The following PYGM variants were observed in gnomAD, a reference collection of about 807,000 sequenced individuals.
PYGM encodes the protein glycogen phosphorylase, muscle form.
PYGM carries 81 observed loss-of-function variants against 99.3 expected under a neutral mutation model. That is an observed-to-expected ratio of 0.82 (90% CI 0.68 to 0.98). The LOEUF (loss-of-function observed/expected upper bound fraction) is 0.98, where lower values mean the gene tolerates loss of function less well. PYGM is among the 50% of genes least tolerant of loss of function. PYGM has a pLI of 0.00. For synonymous variants in PYGM, 436 were observed against 451.5 expected, an observed-to-expected ratio of 0.97 and a Z score of 0.44; for missense variants, 1,030 against 1,158.1, an observed-to-expected ratio of 0.89 and a Z score of 1.61.
rs2058388996 is a variant in PYGM, at chr11:64,755,549, C to T, written c.670G>A (p.Ala224Thr). 1 of 1,613,840 alleles carries T rather than the reference C, an allele frequency of 6.2e-7. No homozygotes were observed. The highest frequency in any genetic ancestry group is 1.1e-5 in the South Asian group (1 of 91,078). Residue 224 changes from alanine to threonine, a missense_variant, in exon 6 of 20, where the codon GCC (alanine) becomes ACC (threonine). Transcript: ENST00000164139. This position sits in a 1 kb window ranked among gnomAD's most constrained non-coding sequence, Gnocchi z 4.1. ...AKWVDTQVVL[A>T]MPYDTPVPGY... Reference sequence around the variant, plus strand: ...GGCACGGGCGTATCGTAGGGCATGGCCAGTACCACCTGCGGGGGGCAATCC... The same window carrying T: ...GGCACGGGCGTATCGTAGGGCATGGTCAGTACCACCTGCGGGGGGCAATCC...
chr11:64,750,630 A>G, intron 16 of PYGM, 47 bp from the exon 17 acceptor site: 1 of 1,581,622 alleles, frequency 6.3e-7, no homozygotes, highest in South Asian at 1.1e-5. Context: ...GAAGACCCTC[A>G]CACCAGCTGG....
At position 64,754,334 on chromosome 11, in the gene PYGM, C is replaced by T. The variant is rs767039732; in HGVS notation, c.1011G>A (p.Gln337=). 17 of 1,612,566 alleles carry T rather than the reference C, an allele frequency of 1.1e-5. No individual in the cohort carries two copies. In the East Asian group the frequency reaches 3.6e-4, roughly 34 times the overall value. The change falls in exon 9 of 20, where the codon CAG becomes CAA. Residue 337 remains glutamine (Q), a synonymous_variant. Transcript: ENST00000164139. This position sits in a 1 kb window ranked among gnomAD's most constrained non-coding sequence, Gnocchi z 5.5. ...FDAFPDKVAI[Q]LNDTHPSLAI... ...CCAGGGAGGGGTGGGTGTCATTGAG[C>T]TGGATGGCCACCTGGGGTAGGGGGA...
intron 15 of PYGM, 33 bp downstream of exon 15, chr11:64,751,564 A>G (rs780142538): frequency 1.2e-6 from 2 of 1,614,026 alleles, no homozygotes; most frequent in South Asian, 1.1e-5. Flanking sequence ...ATATCAAAGG[A>G]CGGGAGCCCA....
At chr11:64,756,644 G>T (rs1341020476) in intron 5 of PYGM, among the ~76,000 whole-genome samples, 2 of 152,040 alleles carry the variant, frequency 1.3e-5, no homozygotes, top group African/African-American at 4.8e-5. Flanking sequence ...GTAGAGACTG[G>T]GTTTCACCAT....
chr11:64,760,683 C>T (rs2058429180), upstream of PYGM, among the ~76,000 whole-genome samples: 1 of 152,260 alleles, frequency 6.6e-6, no homozygotes, highest in Non-Finnish European at 1.5e-5. Flanking sequence ...GCATTCCCCA[C>T]TCCATCATCA....
chr11:64,751,628 A>C lies in PYGM; in HGVS notation c.1796T>G (p.Phe599Cys). 1.2e-6 allele frequency: 2 copies of C among 1,613,988 alleles called. No homozygotes were observed. Among genetic ancestry groups the C allele is most frequent in the South Asian group, 1.1e-5 (1 of 91,084 alleles). ...TCCAATCATCACAGTCCGAGGCACA[A>C]AAAACTTATTGGGCTCCCTCTTGAT... ...NRIKREPNKF[F>C]VPRTVMIGGK... The change falls in exon 15 of 20, where the codon TTT becomes TGT. Residue 599 changes from phenylalanine (F) to cysteine (C), a missense_variant. Physicochemically the swap from Phe to Cys is radical, Grantham distance 205 (BLOSUM62 -2). Coordinates refer to ENST00000164139, the MANE Select transcript of PYGM (RefSeq NM_005609.4).
intron 17 of PYGM, 95 bp downstream of exon 17, chr11:64,750,281 T>C: frequency 7.2e-7 from 1 of 1,394,714 alleles, no homozygotes; most frequent in African/African-American, 1.4e-5. Flanking sequence ...TTGCTGGGCC[T>C]GGACCAGTCT....
upstream of PYGM, among the ~76,000 whole-genome samples, chr11:64,760,496 C>G (rs1329051270): frequency 6.6e-6 from 1 of 152,244 alleles, no homozygotes; most frequent in Non-Finnish European, 1.5e-5. Flanking sequence ...ACTCCACCCC[C>G]ACCGAAGCTG....
At chr11:64,760,245 G>A (rs2058426041), upstream of PYGM, 1 of 311,506 alleles carries the variant, frequency 3.2e-6, no homozygotes, top group African/African-American at 2.1e-5. Flanking sequence ...ACAAGAAGGA[G>A]CAGGCAGAGT....
upstream of PYGM, chr11:64,760,053 G>A (rs774628362): frequency 1.1e-4 from 131 of 1,215,178 alleles, no homozygotes; most frequent in Non-Finnish European, 1.4e-4. Context: ...GGAGGGTCTT[G>A]GCCTGGCAGC....
intron 5 of PYGM, among the ~76,000 whole-genome samples, chr11:64,757,366 G>A (rs2058400559): frequency 6.6e-6 from 1 of 152,158 alleles, no homozygotes; most frequent in African/African-American, 2.4e-5. Context: ...ATTTGGTTTG[G>A]TTTTAGGATC....
Position 64,753,933 on chromosome 11 carries a change from C to G in PYGM, c.1185G>C (p.Thr395=), listed in dbSNP as rs1347426590. The G allele has an allele frequency of 6.3e-7, 1 of 1,598,130 alleles. No individual in the cohort carries two copies. Among genetic ancestry groups the G allele is most frequent in the Non-Finnish European group, 8.5e-7 (1 of 1,172,028 alleles). The change falls in exon 10 of 20, where the codon ACG becomes ACC. Residue 395 remains threonine (T), a synonymous_variant. Coordinates refer to ENST00000164139, the MANE Select transcript of PYGM (RefSeq NM_005609.4). ...TGATCTGGAGGTGCCGCGGCAGCAGCGTCTCCAAGAGGTGCACCGGCCAGC... is the reference window on the plus strand; with the variant it reads ...TGATCTGGAGGTGCCGCGGCAGCAGGGTCTCCAAGAGGTGCACCGGCCAGC... ...LERWPVHLLE[T]LLPRHLQIIY...
rs1191611731 is a variant in PYGM at position 64,747,385 on chromosome 11, C to T, written c.2178-27G>A. 4 of 1,613,850 alleles carry T rather than the reference C, an allele frequency of 2.5e-6. No individual in the cohort carries two copies. In the Admixed American group the frequency reaches 5.0e-5, roughly 20 times the overall value. ...TGCCAGGACAGAGCTGTGGTCAGCT[C>T]CCCGGAAAGGGGTTCCTGGCTCCTC... is the stretch of plus-strand genomic sequence containing the variant. On this transcript the variant is annotated intron_variant, in intron 17 of 19. Coordinates refer to ENST00000164139, the MANE Select transcript of PYGM (RefSeq NM_005609.4).
At chr11:64,749,175 C>T (rs527351988) in intron 17 of PYGM, among the ~76,000 whole-genome samples, 3 of 151,462 alleles carry the variant, frequency 2.0e-5, no homozygotes, top group South Asian at 2.1e-4. Context: ...GATGAAACCC[C>T]GTCTCTACTA....
chr11:64,758,257 CGGA>C lies in PYGM; in HGVS notation c.514_516del (p.Ser172del). On this transcript the variant is annotated inframe_deletion, in exon 4 of 20. Coordinates refer to ENST00000164139, the MANE Select transcript of PYGM (RefSeq NM_005609.4). Reference sequence around the variant, plus strand: ...CCAAGGCTGCTCACCTGCCAGCCCCCGGAGATCTTCTGGTTAAAAATCCCAAAC... The same window carrying C: ...CCAAGGCTGCTCACCTGCCAGCCCCCGATCTTCTGGTTAAAAATCCCAAAC... 6.2e-7 allele frequency: 1 copy of C among 1,613,090 alleles called. No individual in the cohort carries two copies. Among genetic ancestry groups the C allele is most frequent in the Non-Finnish European group, 8.5e-7 (1 of 1,179,036 alleles).
At position 64,754,592 on chromosome 11, in the gene PYGM, C is replaced by T; in HGVS notation, c.999+101G>A. 6.7e-7 allele frequency: 1 copy of T among 1,490,840 alleles called. No homozygotes were observed. The highest frequency in any genetic ancestry group is 1.2e-5 in the South Asian group (1 of 83,606). The allele number at this position is 1,490,840 out of a possible 1,614,324, so 92.4% of individuals were successfully genotyped here. ...ACTGACCCTCCCACACTCCCAGTCT[C>T]CACTCCCTTATCTATTACATGGGGC... On this transcript the variant is annotated intron_variant, in intron 8 of 19. Coordinates refer to ENST00000164139, the MANE Select transcript of PYGM (RefSeq NM_005609.4). The surrounding 1 kb of genome is among the most constrained non-coding windows in gnomAD (Gnocchi z 5.5).
chr11:64,754,488 G>T lies in PYGM; in HGVS notation c.1000-143C>A. On this transcript the variant is annotated intron_variant, in intron 8 of 19. Transcript: ENST00000164139. This position sits in a 1 kb window ranked among gnomAD's most constrained non-coding sequence, Gnocchi z 5.5. ...GCAGAGGCAGGCCGGTGCTCATGGG[G>T]GTGGGAGGAATGGGGGGAGTGGGGC... 2 of 972,254 alleles carry T rather than the reference G, an allele frequency of 2.1e-6. No homozygotes were observed. The highest frequency in any genetic ancestry group is 3.1e-6 in the Non-Finnish European group (2 of 644,416). The allele number at this position is 972,254 out of a possible 1,614,324, so 60.2% of individuals were successfully genotyped here.
chr11:64,752,091 A>G lies in PYGM; in HGVS notation c.1621-20T>C. 6.2e-7 allele frequency: 1 copy of G among 1,613,408 alleles called. No homozygotes were observed. The highest frequency in any genetic ancestry group is 8.5e-7 in the Non-Finnish European group (1 of 1,179,968). On this transcript the variant is annotated intron_variant, in intron 13 of 19. Coordinates refer to ENST00000164139, the MANE Select transcript of PYGM (RefSeq NM_005609.4). ...GTTTTCCTGGAGGCAGAGACGGGGA[A>G]GGGCTCACCAACAGGCCACAGCCTC...
In PYGM at chr11:64,759,723, G is replaced by A. The variant is rs754417088; in HGVS notation, c.176C>T (p.Thr59Ile). 3 of 1,614,210 alleles carry A rather than the reference G, an allele frequency of 1.9e-6. No individual in the cohort carries two copies. Among genetic ancestry groups the A allele is most frequent in the Admixed American group, 3.3e-5 (2 of 60,034 alleles). The change falls in exon 1 of 20, where the codon ACC (threonine) becomes ATC (isoleucine). Residue 59 changes from threonine to isoleucine, a missense_variant. Coordinates refer to ENST00000164139, the MANE Select transcript of PYGM (RefSeq NM_005609.4). ...PRDYYFALAH[T>I]VRDHLVGRWI... is the part of the protein sequence containing the mutation. ...GCGCCCCACGAGGTGGTCGCGCACGGTATGGGCCAGAGCAAAGTAGTAGTC... is the reference window on the plus strand; with the variant it reads ...GCGCCCCACGAGGTGGTCGCGCACGATATGGGCCAGAGCAAAGTAGTAGTC...
Sources: gnomAD v4.1 joint callset for allele counts (sites outside exome capture counted in the v4.1 genomes callset) on GRCh38, gnomAD v4.1.1 for gene constraint, Gnocchi (gnomAD v3.1) non-coding constraint, MANE v1.5 for transcripts, NCBI Gene and HGNC (gene_info 2026-07-23, HGNC 2026-07-21) for gene names.